RAPGEF4: variants seen among roughly 807,000 people sequenced by gnomAD.
RAPGEF4 encodes the protein Rap guanine nucleotide exchange factor 4.
In RAPGEF4, 66 loss-of-function variants were observed where a neutral mutation model predicts 147.9. The observed-to-expected ratio is 0.45, with a 90% CI of 0.37 to 0.55. The LOEUF is 0.55. RAPGEF4 is among the 20% of genes least tolerant of loss of function. RAPGEF4 has a pLI of 0.00. For synonymous variants in RAPGEF4, 419 were observed against 442.7 expected (o/e 0.95, Z 0.67); for missense variants, 1,071 against 1,257.3 (o/e 0.85, Z 2.24).
intron 1 of RAPGEF4, among the ~76,000 whole-genome samples, chr2:172,736,640 G>C (rs1446761305): frequency 6.6e-6 from 1 of 152,190 alleles, no homozygotes; most frequent in Non-Finnish European, 1.5e-5. Flanking sequence ...CTCGGGAAAA[G>C]ATCTTTACGC....
At chr2:172,876,786 C>T (rs1412267598) in intron 4 of RAPGEF4, among the ~76,000 whole-genome samples, 2 of 152,206 alleles carry the variant, frequency 1.3e-5, no homozygotes, top group African/African-American at 4.8e-5. Flanking sequence ...GGAAGATTCC[C>T]TCTTTTTCTA....
At chr2:172,771,369 G>GA (rs1683564711) in intron 1 of RAPGEF4, among the ~76,000 whole-genome samples, 1 of 150,884 alleles carries the variant, frequency 6.6e-6, no homozygotes, top group South Asian at 2.1e-4. Context: ...TTCAACATAT[G>GA]AATTTGGGGG....
intron 1 of RAPGEF4, among the ~76,000 whole-genome samples, chr2:172,777,802 G>A (rs1684318464): frequency 2.0e-5 from 3 of 152,160 alleles, no homozygotes; most frequent in South Asian, 2.1e-4. Flanking sequence ...TCTTTTTTGT[G>A]TGTTTCCCTT....
In RAPGEF4 at chr2:172,847,427, C is replaced by T. The variant is rs143407883; in HGVS notation, c.444+33002C>T. On this transcript the variant is annotated intron_variant, in intron 4 of 30. Coordinates refer to ENST00000397081, the MANE Select transcript of RAPGEF4 (RefSeq NM_007023.4). ...TTCCCCAGCCTGTGCTCAGGCTCCTCCCGTTCCACCCTGCCACCACCTGGC... is the reference window on the plus strand; with the variant it reads ...TTCCCCAGCCTGTGCTCAGGCTCCTTCCGTTCCACCCTGCCACCACCTGGC... 4.1e-3 allele frequency among the ~76,000 whole-genome samples: 621 copies of T among 152,312 alleles called. 4 individuals carry two copies. Among genetic ancestry groups the T allele is most frequent in the African/African-American group, 0.015 (604 of 41,560 alleles).
chr2:172,809,389 C>T (rs1187515033), intron 3 of RAPGEF4, among the ~76,000 whole-genome samples: 2 of 152,152 alleles, frequency 1.3e-5, no homozygotes, highest in Non-Finnish European at 2.9e-5. Flanking sequence ...AGGATACTGT[C>T]ACTTTGAGAA....
intron 4 of RAPGEF4, among the ~76,000 whole-genome samples, chr2:172,819,184 C>G (rs1004873298): frequency 6.6e-6 from 1 of 151,924 alleles, no homozygotes; most frequent in African/African-American, 2.4e-5. Flanking sequence ...TCTGAGGGTA[C>G]TGGGTTGCTC....
At chr2:172,877,905 A>G (rs1696153222) in intron 4 of RAPGEF4, among the ~76,000 whole-genome samples, 1 of 152,206 alleles carries the variant, frequency 6.6e-6, no homozygotes. Context: ...AATCTGCAAT[A>G]TGAATAGATC....
At chr2:172,755,119 T>C (rs1335508676) in intron 1 of RAPGEF4, among the ~76,000 whole-genome samples, 1 of 152,150 alleles carries the variant, frequency 6.6e-6, no homozygotes, top group African/African-American at 2.4e-5. Flanking sequence ...TGAGGAATAC[T>C]CTGGGATGTG....
chr2:172,938,443 G>A (rs1359717574), intron 6 of RAPGEF4, among the ~76,000 whole-genome samples: 3 of 152,050 alleles, frequency 2.0e-5, no homozygotes, highest in African/African-American at 7.2e-5. Context: ...ATTTACAGTG[G>A]TTTAAACTGT....
intron 8 of RAPGEF4, 105 bp from the exon 9 acceptor site, chr2:172,965,457 G>T: frequency 7.7e-7 from 1 of 1,294,532 alleles, no homozygotes. Context: ...TCTTCTGGTA[G>T]GAGATCATTA....
intron 30 of RAPGEF4, among the ~76,000 whole-genome samples, chr2:173,050,423 T>C (rs924231784): frequency 1.3e-5 from 2 of 152,226 alleles, no homozygotes; most frequent in African/African-American, 4.8e-5. Flanking sequence ...CTCTCTGCTT[T>C]TCTGCCTTCA....
At chr2:172,797,446 G>T in intron 2 of RAPGEF4, 79 bp from the exon 3 acceptor site, 1 of 1,118,054 alleles carries the variant, frequency 8.9e-7, no homozygotes, top group South Asian at 1.4e-5. Flanking sequence ...GACATGCTTG[G>T]ACCAGTGAAA....
At chr2:173,045,664 T>A (rs887963047) in intron 29 of RAPGEF4, among the ~76,000 whole-genome samples, 2 of 152,212 alleles carry the variant, frequency 1.3e-5, no homozygotes, top group African/African-American at 4.8e-5. Flanking sequence ...CAAGGATAAA[T>A]GAGCGAAAAG....
intron 25 of RAPGEF4, among the ~76,000 whole-genome samples, chr2:173,028,556 T>TA (rs1696877248): frequency 6.6e-6 from 1 of 152,190 alleles, no homozygotes; most frequent in African/African-American, 2.4e-5. Context: ...AGGACTTTTT[T>TA]TTATATATAT....
chr2:172,872,712 C>T (rs1442879786), intron 4 of RAPGEF4, among the ~76,000 whole-genome samples: 3 of 152,116 alleles, frequency 2.0e-5, no homozygotes, highest in Admixed American at 2.0e-4. Flanking sequence ...CCTGCTTCCC[C>T]TTCACCTTTC....
intron 11 of RAPGEF4, 125 bp downstream of exon 11, chr2:172,983,705 T>C (rs369007678): frequency 1.4e-6 from 2 of 1,444,038 alleles, no homozygotes; most frequent in South Asian, 3.0e-5. Context: ...AAATCACCTC[T>C]ACTCTCTTAC....
chr2:172,904,009 C>T (rs892744904), intron 4 of RAPGEF4, among the ~76,000 whole-genome samples: 2 of 152,126 alleles, frequency 1.3e-5, no homozygotes, highest in African/African-American at 4.8e-5. Context: ...TGGTAGTTTG[C>T]TCAAAAGGGT....
Position 173,042,189 on chromosome 2 carries a change from C to G in RAPGEF4, c.2853+5497C>G, listed in dbSNP as rs1684848760. Among the ~76,000 whole-genome samples the G allele has an allele frequency of 3.3e-5, 5 of 152,374 alleles. No individual in the cohort carries two copies. The South Asian group carries it at 6.2e-4, about 19-fold the overall frequency. On this transcript the variant is annotated intron_variant, in intron 29 of 30. Coordinates refer to ENST00000397081, the MANE Select transcript of RAPGEF4 (RefSeq NM_007023.4). The surrounding 1 kb of genome is among the most constrained non-coding windows in gnomAD (Gnocchi z 4.2). ...AAAAATATCTGACGCATTATTTCCC[C>G]AGCACCCATAAAAATGTCTGGCACA... is the stretch of plus-strand genomic sequence containing the variant.
intron 1 of RAPGEF4, among the ~76,000 whole-genome samples, chr2:172,788,706 G>A (rs999471396): frequency 2.6e-5 from 4 of 151,846 alleles, no homozygotes; most frequent in African/African-American, 9.7e-5. Context: ...GCAACAAGGC[G>A]AGACCCTGTC....
Sources: allele counts gnomAD v4.1 joint callset (sites outside exome capture counted in the v4.1 genomes callset), GRCh38; gene constraint gnomAD v4.1.1; non-coding constraint Gnocchi (gnomAD v3.1); transcripts MANE v1.5; gene names NCBI Gene and HGNC (gene_info 2026-07-23, HGNC 2026-07-21).